Variants in NKAIN2 observed in about 807,000 individuals in gnomAD.
NKAIN2 encodes sodium/potassium-transporting ATPase subunit beta-1-interacting protein 2.
In NKAIN2, 14 loss-of-function variants were observed where a neutral mutation model predicts 32.6. The ratio of observed to expected loss-of-function variants is 0.43; its 90% CI spans 0.28 to 0.67. The LOEUF (loss-of-function observed/expected upper bound fraction) is 0.67, where lower values mean the gene tolerates loss of function less well. Among genes scored for constraint, NKAIN2 ranks in the 30% least tolerant of loss-of-function variants. NKAIN2 has a pLI of 0.17. For missense variants in NKAIN2, 198 were observed against 258.3 expected, an observed-to-expected ratio of 0.77 and a Z score of 1.60; for synonymous variants, 80 against 87.2, an observed-to-expected ratio of 0.92 and a Z score of 0.46.
intron 2 of NKAIN2, among the ~76,000 whole-genome samples, chr6:124,325,880 C>G (rs1467357621): frequency 6.6e-6 from 1 of 152,026 alleles, no homozygotes; most frequent in Non-Finnish European, 1.5e-5. Flanking sequence ...AAAAGCAATA[C>G]TTTTACTAGC....
intron 3 of NKAIN2, among the ~76,000 whole-genome samples, chr6:124,444,002 G>A (rs894083239): frequency 1.3e-5 from 2 of 151,808 alleles, no homozygotes; most frequent in African/African-American, 2.4e-5. Flanking sequence ...CAGAGTTTTG[G>A]TTTTATAATC....
intron 1 of NKAIN2, among the ~76,000 whole-genome samples, chr6:124,250,480 G>A (rs148289328): frequency 3.3e-5 from 5 of 151,944 alleles, no homozygotes; most frequent in East Asian, 1.9e-4. Flanking sequence ...TTAAATTACC[G>A]GTAATTTAAT....
intron 3 of NKAIN2, among the ~76,000 whole-genome samples, chr6:124,384,662 C>A (rs1772809877): frequency 6.9e-6 from 1 of 145,102 alleles, no homozygotes; most frequent in Non-Finnish European, 1.6e-5. Context: ...TATTTGTCAC[C>A]TATGCTGGAG....
chr6:124,102,117 G>A (rs1784915000), intron 1 of NKAIN2, among the ~76,000 whole-genome samples: 1 of 152,174 alleles, frequency 6.6e-6, no homozygotes, highest in Non-Finnish European at 1.5e-5. Context: ...GGAGGGTAGT[G>A]GTGGAATACA....
chr6:124,087,571 G>T (rs898935360), intron 1 of NKAIN2, among the ~76,000 whole-genome samples: 1 of 151,972 alleles, frequency 6.6e-6, no homozygotes, highest in African/African-American at 2.4e-5. Context: ...TAGCAAGTTG[G>T]TATGACCATA....
intron 1 of NKAIN2, among the ~76,000 whole-genome samples, chr6:124,262,232 TATC>T (rs1794287499): frequency 6.6e-6 from 1 of 152,160 alleles, no homozygotes; most frequent in South Asian, 2.1e-4. Flanking sequence ...ATTTATCAAA[TATC>T]ATGCACTCAT....
At chr6:124,358,178 T>C (rs1189744278) in intron 3 of NKAIN2, among the ~76,000 whole-genome samples, 2 of 152,206 alleles carry the variant, frequency 1.3e-5, no homozygotes, top group African/African-American at 4.8e-5. Context: ...TCTATCATTG[T>C]TGGACATCTG....
intron 4 of NKAIN2, among the ~76,000 whole-genome samples, chr6:124,697,698 C>A (rs1331867836): frequency 6.6e-6 from 1 of 152,166 alleles, no homozygotes; most frequent in Non-Finnish European, 1.5e-5. Flanking sequence ...GTTTCTGTTT[C>A]AAATGCTACA....
intron 3 of NKAIN2, among the ~76,000 whole-genome samples, chr6:124,509,434 T>C (rs957788193): frequency 3.9e-5 from 6 of 152,226 alleles, no homozygotes; most frequent in African/African-American, 1.4e-4. Context: ...TCTATCAGTA[T>C]TAGTAATAGA....
intron 4 of NKAIN2, among the ~76,000 whole-genome samples, chr6:124,704,266 T>C (rs989343204): frequency 1.3e-5 from 2 of 151,946 alleles, no homozygotes; most frequent in Non-Finnish European, 2.9e-5. Context: ...GCAGACACTC[T>C]GTTTAGAGCT....
chr6:124,679,196 C>G (rs1206603002), intron 4 of NKAIN2, among the ~76,000 whole-genome samples: 1 of 152,136 alleles, frequency 6.6e-6, no homozygotes, highest in African/African-American at 2.4e-5. Context: ...CTCTTTCCCT[C>G]CCCTGGAAGA....
chr6:124,217,380 A>G (rs1791531849), intron 1 of NKAIN2, among the ~76,000 whole-genome samples: 1 of 152,090 alleles, frequency 6.6e-6, no homozygotes, highest in South Asian at 2.1e-4. Flanking sequence ...AAGCTCATCT[A>G]CATGGTTAAG....
chr6:123,944,134 A>G (rs1407043756), intron 1 of NKAIN2, among the ~76,000 whole-genome samples: 2 of 152,006 alleles, frequency 1.3e-5, no homozygotes, highest in African/African-American at 4.8e-5. Flanking sequence ...TTCTTCTTCA[A>G]TACTTATACC....
chr6:124,326,203 C>CT (rs1035700905), intron 2 of NKAIN2, among the ~76,000 whole-genome samples: 187 of 135,608 alleles, frequency 1.4e-3, no homozygotes, highest in Middle Eastern at 4.3e-3. Context: ...TTTCAAAGCT[C>CT]TTTTTTTTTT....
chr6:124,630,869 G>GAGTC (rs1266494864), intron 3 of NKAIN2, among the ~76,000 whole-genome samples: 8 of 152,170 alleles, frequency 5.3e-5, no homozygotes, highest in Admixed American at 5.2e-4. Flanking sequence ...AGAGTGAAAG[G>GAGTC]AGTCAGACAT....
At chr6:124,721,060 T>C (rs1775991989) in intron 4 of NKAIN2, among the ~76,000 whole-genome samples, 2 of 152,168 alleles carry the variant, frequency 1.3e-5, no homozygotes, top group Non-Finnish European at 2.9e-5. Flanking sequence ...AACAAAGCAT[T>C]CAGAGCTAGC....
At chr6:123,811,007 AT>A (rs1326595356) in intron 1 of NKAIN2, among the ~76,000 whole-genome samples, 2 of 152,200 alleles carry the variant, frequency 1.3e-5, no homozygotes, top group Non-Finnish European at 2.9e-5. Flanking sequence ...TTGCTAAGGA[AT>A]TCCCAGATGA....
At position 124,669,560 on chromosome 6, in the gene NKAIN2, A is replaced by G. The variant is rs553939890; in HGVS notation, c.474+11174A>G. Among the ~76,000 whole-genome samples, 311 of 152,196 alleles carry G rather than the reference A, an allele frequency of 2.0e-3. 1 individual carries two copies. Among genetic ancestry groups the G allele is most frequent in the African/African-American group, 7.2e-3 (301 of 41,540 alleles). On this transcript the variant is annotated intron_variant, in intron 4 of 6. Transcript: ENST00000368417. ...TGTGGATATTTGCGGAAGGAGTATT[A>G]TAGGTAGGAGAACATTCAGGGTAGG...
chr6:124,348,940 A>C (rs993960023), intron 2 of NKAIN2, among the ~76,000 whole-genome samples: 24 of 152,090 alleles, frequency 1.6e-4, no homozygotes, highest in African/African-American at 5.6e-4. Context: ...GCACCAGGAG[A>C]TTATATCCCA....
Sources: allele counts gnomAD v4.1 joint callset (sites outside exome capture counted in the v4.1 genomes callset), GRCh38; gene constraint gnomAD v4.1.1; transcripts MANE v1.5; gene names NCBI Gene and HGNC (gene_info 2026-07-23, HGNC 2026-07-21).